TPST2: variants seen among roughly 807,000 people sequenced by gnomAD.
TPST2 encodes protein-tyrosine sulfotransferase 2.
A neutral mutation model predicts 27.8 loss-of-function variants in TPST2; 16 were observed. The observed-to-expected ratio is 0.58, with a 90% CI of 0.39 to 0.88. The LOEUF (loss-of-function observed/expected upper bound fraction) is 0.88. Among genes scored for constraint, TPST2 ranks in the 40% least tolerant of loss-of-function variants. The pLI, the probability that TPST2 is intolerant of heterozygous loss-of-function variation, is 0.00. For synonymous variants in TPST2, 229 were observed against 231.7 expected (o/e 0.99, Z 0.10); for missense variants, 464 against 543.1 (o/e 0.85, Z 1.45).
At position 26,536,479 on chromosome 22, in the gene TPST2, G is replaced by A. The variant is rs765147178; in HGVS notation, c.850C>T (p.Arg284Trp). The A allele has an allele frequency of 5.2e-6, 8 of 1,530,672 alleles. No individual in the cohort carries two copies. Among genetic ancestry groups the A allele is most frequent in the East Asian group, 2.3e-5 (1 of 44,126 alleles). 94.8% of individuals were successfully genotyped at this position (1,530,672 alleles called of 1,614,324 possible). The change falls in exon 4 of 7, where the codon CGG becomes TGG. Residue 284 changes from arginine to tryptophan, a missense_variant. Physicochemically the swap from Arg to Trp is moderately radical, Grantham distance 101. Transcript: ENST00000338754. ...GGCTTGATGACCTGGTCCGTGGACC[G>A]CTCGATCCTGGGGAGAGAGGAGACG... The part of the protein sequence containing the change: ...PGGVSLSKIE[R>W]STDQVIKPVN...
intron 6 of TPST2, among the ~76,000 whole-genome samples, chr22:26,527,189 T>C (rs2283817): frequency 0.23 from 35,694 of 152,188 alleles, 4,928 homozygotes; most frequent in South Asian, 0.42. Flanking sequence ...AAACATATGC[T>C]GATTGTTTAA....
chr22:26,537,453 G>T (rs552864934), intron 3 of TPST2, among the ~76,000 whole-genome samples: 1 of 152,146 alleles, frequency 6.6e-6, no homozygotes, highest in Non-Finnish European at 1.5e-5. Context: ...TAGGCACATT[G>T]TAAGTTTTTT....
intron 1 of TPST2, among the ~76,000 whole-genome samples, chr22:26,582,783 C>A (rs1205487395): frequency 6.6e-6 from 1 of 152,128 alleles, no homozygotes; most frequent in Non-Finnish European, 1.5e-5. Context: ...GGCTTTGAGT[C>A]CTGGTGCTGA....
intron 1 of TPST2, among the ~76,000 whole-genome samples, chr22:26,577,686 A>C (rs1927911972): frequency 4.7e-5 from 5 of 106,032 alleles, no homozygotes; most frequent in Admixed American, 2.6e-4. Context: ...ACAGAGTCTC[A>C]CTCTGTCTGC....
At chr22:26,545,231 A>G (rs1436368772) in intron 1 of TPST2, among the ~76,000 whole-genome samples, 1 of 152,242 alleles carries the variant, frequency 6.6e-6, no homozygotes, top group East Asian at 1.9e-4. Context: ...GTGTCATTTA[A>G]ACCCCAATAA....
At chr22:26,532,809 C>G in intron 4 of TPST2, 64 bp from the exon 5 acceptor site, 1 of 1,502,816 alleles carries the variant, frequency 6.7e-7, no homozygotes, top group South Asian at 1.2e-5. Flanking sequence ...TTTAGTCATT[C>G]CCAACACATC....
intron 1 of TPST2, among the ~76,000 whole-genome samples, chr22:26,578,071 A>G (rs1927931770): frequency 6.6e-6 from 1 of 152,198 alleles, no homozygotes; most frequent in Admixed American, 6.5e-5. Context: ...TTTAAGAATT[A>G]CCAAAAGGAA....
chr22:26,568,155 C>T (rs1348572690), intron 1 of TPST2, among the ~76,000 whole-genome samples: 7 of 152,236 alleles, frequency 4.6e-5, no homozygotes, highest in Non-Finnish European at 2.9e-5. Flanking sequence ...TGGACACTAT[C>T]CAAATGCCCA....
chr22:26,559,862 C>T (rs1300999536), intron 1 of TPST2, among the ~76,000 whole-genome samples: 1 of 152,176 alleles, frequency 6.6e-6, no homozygotes, highest in Non-Finnish European at 1.5e-5. Flanking sequence ...AGCCAGGGAG[C>T]TTGGGGCTGC....
In TPST2 at chr22:26,541,187, G is replaced by C. The variant is rs751295840; in HGVS notation, c.444C>G (p.His148Gln). Residue 148 changes from histidine to glutamine, a missense_variant, in exon 3 of 7, where the codon CAC becomes CAG. By Grantham distance (24) the His-to-Gln change is conservative. Coordinates refer to ENST00000338754, the MANE Select transcript of TPST2 (RefSeq NM_003595.5). The surrounding 1 kb of genome is among the most constrained non-coding windows in gnomAD (Gnocchi z 5.9). ...QAFILEVIAK[H>Q]GEPARVLCNK... ...TGCAGAGCACGCGGGCCGGCTCTCC[G>C]TGCTTGGCAATCACCTCCAGGATGA... 6.3e-6 allele frequency: 10 copies of C among 1,593,112 alleles called. No individual in the cohort carries two copies. Among genetic ancestry groups the C allele is most frequent in the Non-Finnish European group, 7.7e-6 (9 of 1,167,470 alleles).
At chr22:26,564,333 G>C (rs1290269352) in intron 1 of TPST2, among the ~76,000 whole-genome samples, 1 of 152,260 alleles carries the variant, frequency 6.6e-6, no homozygotes, top group Non-Finnish European at 1.5e-5. Flanking sequence ...CTGAGGGAGG[G>C]AGCAGGCTTA....
rs201685344 is a variant in TPST2 at position 26,540,935 on chromosome 22, C to G, written c.696G>C (p.Lys232Asn). 12 of 1,613,650 alleles carry G rather than the reference C, an allele frequency of 7.4e-6. No homozygotes were observed. Among genetic ancestry groups the G allele is most frequent in the Non-Finnish European group, 1.7e-6 (2 of 1,179,584 alleles). The stretch of plus-strand genomic sequence containing the variant: ...GCTGCTCGTAGTACACAGGCAGGCA[C>G]TTCTCCTTGCCTACCTCCATGCACT... ...YAQCMEVGKE[K>N]CLPVYYEQLV... The change falls in exon 3 of 7, where the codon AAG becomes AAC. Residue 232 changes from lysine (K) to asparagine (N), a missense_variant. Physicochemically the swap from Lys to Asn is moderately conservative, Grantham distance 94. Transcript: ENST00000338754.
Position 26,541,394 on chromosome 22 carries a change from A to T in TPST2, c.237T>A (p.Ser79Arg). 6.4e-7 allele frequency: 1 copy of T among 1,559,738 alleles called. No homozygotes were observed. The change falls in exon 3 of 7, where the codon AGT becomes AGA. Residue 79 changes from serine (S) to arginine (R), a missense_variant. By Grantham distance (110) the Ser-to-Arg change is moderately radical (BLOSUM62 -1). Transcript: ENST00000338754. This position sits in a 1 kb window ranked among gnomAD's most constrained non-coding sequence, Gnocchi z 5.9. ...PLIFVGGVPR[S>R]GTTLMRAMLD... is the part of the protein sequence containing the mutation. ...GCATGGCGCGCATCAACGTGGTGCC[A>T]CTGCGAGGCACGCCACCCACGAAGA...
At chr22:26,587,371 C>G (rs1928384253) in intron 1 of TPST2, among the ~76,000 whole-genome samples, 1 of 152,192 alleles carries the variant, frequency 6.6e-6, no homozygotes, top group Non-Finnish European at 1.5e-5. Context: ...GAGTCTTGCT[C>G]TGTCACTTAG....
At chr22:26,583,423 G>A (rs1320248462) in intron 1 of TPST2, among the ~76,000 whole-genome samples, 3 of 119,020 alleles carry the variant, frequency 2.5e-5, no homozygotes, top group Admixed American at 1.1e-4. Context: ...GGCGACAGAA[G>A]GAAACTCCAT....
intron 1 of TPST2, among the ~76,000 whole-genome samples, chr22:26,584,055 A>G (rs1226472640): frequency 6.6e-6 from 1 of 152,234 alleles, no homozygotes; most frequent in East Asian, 1.9e-4. Context: ...GAAATGAGAA[A>G]TCAGAATTTT....
At chr22:26,546,508 C>T (rs1489141008) in intron 1 of TPST2, among the ~76,000 whole-genome samples, 1 of 152,244 alleles carries the variant, frequency 6.6e-6, no homozygotes, top group Non-Finnish European at 1.5e-5. Flanking sequence ...GCCTGCCAGC[C>T]AGGCAGCTCC....
At position 26,536,303 on chromosome 22, in the gene TPST2, G is replaced by A. The variant is rs1463955941; in HGVS notation, c.1026C>T (p.Ile342=). Reference sequence around the variant, plus strand: ...GCACACTCACCCGCTGTGTGTTGTTGATGACGAAGGGGTCAGGGTTGCCAT... The same window carrying A: ...GCACACTCACCCGCTGTGTGTTGTTAATGACGAAGGGGTCAGGGTTGCCAT... ...PNYGNPDPFV[I]NNTQRVLKGD... is the part of the protein sequence containing the mutation. Residue 342 remains isoleucine, a synonymous_variant, in exon 4 of 7, where the codon ATC becomes ATT. Transcript: ENST00000338754. 2 of 1,614,188 alleles carry A rather than the reference G, an allele frequency of 1.2e-6. No individual in the cohort carries two copies. The highest frequency in any genetic ancestry group is 2.7e-5 in the African/African-American group (2 of 75,044).
chr22:26,580,210 GGCAACAGA>G (rs1928043621), intron 1 of TPST2, among the ~76,000 whole-genome samples: 2 of 152,056 alleles, frequency 1.3e-5, no homozygotes, highest in Admixed American at 1.3e-4. Context: ...CTCCAGCTTG[GGCAACAGA>G]GCAAGACCAT....
Sources: allele counts gnomAD v4.1 joint callset (sites outside exome capture counted in the v4.1 genomes callset), GRCh38; gene constraint gnomAD v4.1.1; non-coding constraint Gnocchi (gnomAD v3.1); transcripts MANE v1.5; gene names NCBI Gene and HGNC (gene_info 2026-07-23, HGNC 2026-07-21).